Variants in AZGP1 observed in about 807,000 individuals in gnomAD.
The protein encoded by AZGP1 is zinc-alpha-2-glycoprotein.
Under a neutral mutation model 31.5 loss-of-function variants are expected in AZGP1, and 28 were observed. The ratio of observed to expected loss-of-function variants is 0.89; its 90% CI spans 0.66 to 1.22. AZGP1 has a LOEUF of 1.22. Ranked by LOEUF, AZGP1 falls within the 50% of genes most tolerant of loss-of-function variation. AZGP1 has a pLI of 0.00. For synonymous variants in AZGP1, 135 were observed against 145.4 expected, an observed-to-expected ratio of 0.93 and a Z score of 0.51; for missense variants, 361 against 371.8, an observed-to-expected ratio of 0.97 and a Z score of 0.24.
intron 1 of AZGP1, among the ~76,000 whole-genome samples, chr7:99,972,983 G>A (rs953075804): frequency 2.6e-5 from 4 of 152,102 alleles, no homozygotes; most frequent in African/African-American, 9.7e-5. Context: ...CAAGCATGGT[G>A]GCGGGTGCCT....
chr7:99,974,535 C>G (rs745646697), intron 1 of AZGP1, among the ~76,000 whole-genome samples: 1 of 151,700 alleles, frequency 6.6e-6, no homozygotes, highest in Admixed American at 6.6e-5. Context: ...TGCAGTGAGC[C>G]GAGATCATGC....
At position 99,968,205 on chromosome 7, in the gene AZGP1, G is replaced by A. The variant is rs371473168; in HGVS notation, c.563C>T (p.Ala188Val). 103 of 1,613,640 alleles carry A rather than the reference G, an allele frequency of 6.4e-5. No individual in the cohort carries two copies. The highest frequency in any genetic ancestry group is 1.7e-4 in the African/African-American group (13 of 74,768). The part of the protein sequence containing the change: ...AKAYLEEECP[A>V]TLRKYLKYSK... Reference sequence around the variant, plus strand: ...GTATTTCAGGTATTTCCGCAGAGTCGCAGGGCACTCCTCCTCCAGGTAAGC... The same window carrying A: ...GTATTTCAGGTATTTCCGCAGAGTCACAGGGCACTCCTCCTCCAGGTAAGC... The change falls in exon 3 of 4, where the codon GCG becomes GTG. Residue 188 changes from alanine to valine, a missense_variant. Coordinates refer to ENST00000292401, the MANE Select transcript of AZGP1 (RefSeq NM_001185.4).
chr7:99,968,555 T>A (rs1002505095), intron 2 of AZGP1, 125 bp from the exon 3 acceptor site: 1 of 1,209,946 alleles, frequency 8.3e-7, no homozygotes, highest in Middle Eastern at 2.2e-4. Flanking sequence ...AAGCATGCAA[T>A]CCCTTTATCA....
At chr7:99,972,839 C>T (rs924833618) in intron 1 of AZGP1, among the ~76,000 whole-genome samples, 6 of 151,420 alleles carry the variant, frequency 4.0e-5, no homozygotes, top group South Asian at 2.1e-4. Flanking sequence ...ACATTTCGTC[C>T]GGGCTCAGTG....
At chr7:99,968,003 C>A in intron 3 of AZGP1, 152 bp downstream of exon 3, 1 of 1,078,884 alleles carries the variant, frequency 9.3e-7, no homozygotes, top group Non-Finnish European at 1.3e-6. Flanking sequence ...TTATATTATC[C>A]CAGGGAAGGA....
intron 1 of AZGP1, among the ~76,000 whole-genome samples, chr7:99,974,523 G>C (rs890043716): frequency 6.7e-5 from 10 of 149,500 alleles, no homozygotes; most frequent in African/African-American, 2.5e-4. Context: ...GGAGGCGGAG[G>C]TTGCAGTGAG....
intron 1 of AZGP1, among the ~76,000 whole-genome samples, chr7:99,973,570 A>G (rs909314158): frequency 1.3e-5 from 2 of 152,152 alleles, no homozygotes; most frequent in African/African-American, 4.8e-5. Context: ...GGGTACAAAA[A>G]AAATAGTTAG....
At chr7:99,970,506 G>T (rs1409846094) in intron 2 of AZGP1, among the ~76,000 whole-genome samples, 2 of 152,076 alleles carry the variant, frequency 1.3e-5, no homozygotes, top group African/African-American at 4.8e-5. Flanking sequence ...GCCTCCCAAA[G>T]TGCTGGGATT....
intron 2 of AZGP1, among the ~76,000 whole-genome samples, chr7:99,971,324 G>C (rs1789572122): frequency 6.6e-6 from 1 of 152,222 alleles, no homozygotes; most frequent in Non-Finnish European, 1.5e-5. Flanking sequence ...ACGTTTCACT[G>C]TCAACAGCTA....
chr7:99,968,464 C>T (rs1307226670), intron 2 of AZGP1, 34 bp from the exon 3 acceptor site: 2 of 1,596,924 alleles, frequency 1.3e-6, no homozygotes, highest in South Asian at 1.1e-5. Flanking sequence ...GAGAGACAGT[C>T]AGCCTGGTGA....
At chr7:99,975,050 A>C (rs1481707999) in intron 1 of AZGP1, among the ~76,000 whole-genome samples, 1 of 152,164 alleles carries the variant, frequency 6.6e-6, no homozygotes, top group Non-Finnish European at 1.5e-5. Flanking sequence ...TCAATTTCTT[A>C]AAATAAATCT....
chr7:99,969,219 G>A (rs1789542151), intron 2 of AZGP1, among the ~76,000 whole-genome samples: 2 of 151,872 alleles, frequency 1.3e-5, no homozygotes, highest in Middle Eastern at 3.4e-3. Flanking sequence ...GACCAGCCTG[G>A]CCAACATGGT....
chr7:99,969,511 C>T (rs1191234191), intron 2 of AZGP1, among the ~76,000 whole-genome samples: 2 of 150,916 alleles, frequency 1.3e-5, no homozygotes, highest in Non-Finnish European at 2.9e-5. Flanking sequence ...ACCCAGGAGG[C>T]AAAGTTTGCA....
intron 1 of AZGP1, 107 bp from the exon 2 acceptor site, chr7:99,972,113 C>G (rs1326318052): frequency 7.7e-7 from 1 of 1,307,060 alleles, no homozygotes; most frequent in Non-Finnish European, 1.0e-6. Flanking sequence ...TTCCCCAGCT[C>G]TTTCTCCTGC....
chr7:99,972,813 C>CA (rs1183402523), intron 1 of AZGP1, among the ~76,000 whole-genome samples: 5 of 151,248 alleles, frequency 3.3e-5, no homozygotes, highest in South Asian at 2.1e-4. Flanking sequence ...GACTCCGTCT[C>CA]AAAAAAAACA....
At chr7:99,972,711 G>C (rs2115687175) in intron 1 of AZGP1, among the ~76,000 whole-genome samples, 1 of 152,306 alleles carries the variant, frequency 6.6e-6, no homozygotes, top group African/African-American at 2.4e-5. Context: ...TCATGCTGGA[G>C]GCTGAGGCAG....
In AZGP1 at chr7:99,967,226, C is replaced by G. The variant is rs1368059657; in HGVS notation, c.674G>C (p.Cys225Ser). 1 of 1,613,714 alleles carries G rather than the reference C, an allele frequency of 6.2e-7. No individual in the cohort carries two copies. Among genetic ancestry groups the G allele is most frequent in the East Asian group, 2.2e-5 (1 of 44,872 alleles). The stretch of plus-strand genomic sequence containing the variant: ...CCCTGGGTAGAAGTCGTAGGCCAGG[C>G]ACTTCAGTTTCTTCTTTTCTCCTGG... Reference protein sequence around the residue: ...QAPGEKKKLKCLAYDFYPGKI... With the variant: ...QAPGEKKKLKSLAYDFYPGKI... Residue 225 changes from cysteine (C) to serine (S), a missense_variant, in exon 4 of 4, where the codon TGC (cysteine) becomes TCC (serine). Cys to Ser is a moderately radical substitution (Grantham distance 112). Coordinates refer to ENST00000292401, the MANE Select transcript of AZGP1 (RefSeq NM_001185.4).
At chr7:99,971,417 G>T (rs1789573968) in intron 2 of AZGP1, 2 of 272,672 alleles carry the variant, frequency 7.3e-6, no homozygotes, top group Admixed American at 9.8e-5. Context: ...CTGGACAGGG[G>T]TGAGTCTGAT....
chr7:99,973,078 C>T (rs981043323), intron 1 of AZGP1, among the ~76,000 whole-genome samples: 2 of 151,386 alleles, frequency 1.3e-5, no homozygotes, highest in African/African-American at 4.8e-5. Flanking sequence ...GATCATGCCA[C>T]TGCACTTCAG....
Sources: gnomAD v4.1 joint callset for allele counts (sites outside exome capture counted in the v4.1 genomes callset) on GRCh38, gnomAD v4.1.1 for gene constraint, MANE v1.5 for transcripts, NCBI Gene and HGNC (gene_info 2026-07-23, HGNC 2026-07-21) for gene names.